RAB31: variants seen among roughly 807,000 people sequenced by gnomAD.
RAB31 encodes the protein ras-related protein Rab-31.
In RAB31, 21 loss-of-function variants were observed where a neutral mutation model predicts 25.6. The observed-to-expected ratio is 0.82, with a 90% CI of 0.58 to 1.18. RAB31 has a LOEUF of 1.18. Among genes scored for constraint, RAB31 ranks in the 50% most tolerant of loss-of-function variants. The pLI is 0.00. For synonymous variants in RAB31, 87 were observed against 84.0 expected, an observed-to-expected ratio of 1.04 and a Z score of -0.20; for missense variants, 196 against 250.1, an observed-to-expected ratio of 0.78 and a Z score of 1.46.
intron 1 of RAB31, among the ~76,000 whole-genome samples, chr18:9,724,686 G>A (rs536481143): frequency 3.3e-5 from 5 of 152,310 alleles, no homozygotes; most frequent in African/African-American, 9.6e-5. Flanking sequence ...TTAAGGAAGC[G>A]CTTCAGAATG....
intron 3 of RAB31, among the ~76,000 whole-genome samples, chr18:9,809,402 T>A (rs1275816046): frequency 6.6e-6 from 1 of 152,192 alleles, no homozygotes; most frequent in Admixed American, 6.5e-5. Flanking sequence ...TGAATGGGAA[T>A]TCTGAACTAA....
At chr18:9,781,937 G>C (rs1182384325) in intron 2 of RAB31, among the ~76,000 whole-genome samples, 1 of 152,192 alleles carries the variant, frequency 6.6e-6, no homozygotes, top group Non-Finnish European at 1.5e-5. Context: ...GTTTTGTTCA[G>C]CCTTCACAGT....
intron 3 of RAB31, among the ~76,000 whole-genome samples, chr18:9,809,456 C>G (rs1432386802): frequency 6.6e-6 from 1 of 152,100 alleles, no homozygotes; most frequent in African/African-American, 2.4e-5. Flanking sequence ...ATTTTCAGAG[C>G]CTTTAATGCA....
intron 1 of RAB31, among the ~76,000 whole-genome samples, chr18:9,718,876 C>T (rs1250864077): frequency 6.6e-6 from 1 of 151,880 alleles, no homozygotes; most frequent in East Asian, 1.9e-4. Context: ...CTTCCAAAGG[C>T]TCTACCTCCT....
At position 9,732,436 on chromosome 18, in the gene RAB31, T is replaced by C. The variant is rs145298884; in HGVS notation, c.39+23992T>C. 1.1e-4 allele frequency among the ~76,000 whole-genome samples: 17 copies of C among 152,354 alleles called. No individual in the cohort carries two copies. The East Asian group carries it at 2.3e-3, about 21-fold the overall frequency. ...CTCCCCTGGAATACATTAGACCCTG[T>C]GGTGACATTAGTTCATGCTCAGTGC... On this transcript the variant is annotated intron_variant, in intron 1 of 6. Transcript: ENST00000578921.
intron 1 of RAB31, among the ~76,000 whole-genome samples, chr18:9,729,901 C>G (rs2145464289): frequency 6.6e-6 from 1 of 152,284 alleles, no homozygotes; most frequent in South Asian, 2.1e-4. Context: ...TCTTGATGTA[C>G]TTCTCACACA....
At chr18:9,750,200 AGCC>A (rs1174521766) in intron 1 of RAB31, among the ~76,000 whole-genome samples, 1 of 152,158 alleles carries the variant, frequency 6.6e-6, no homozygotes, top group African/African-American at 2.4e-5. Context: ...CGCTGATGCC[AGCC>A]TTTCTGCAAC....
chr18:9,716,734 T>A (rs2068046076), intron 1 of RAB31, among the ~76,000 whole-genome samples: 1 of 152,010 alleles, frequency 6.6e-6, no homozygotes, highest in African/African-American at 2.4e-5. Flanking sequence ...TCAGCAGAAA[T>A]GAGGAAAAGA....
intron 1 of RAB31, among the ~76,000 whole-genome samples, chr18:9,770,336 G>C (rs961335578): frequency 6.6e-6 from 1 of 152,194 alleles, no homozygotes; most frequent in African/African-American, 2.4e-5. Flanking sequence ...GCCGTTGCAG[G>C]AGTCCAGGAA....
chr18:9,745,110 A>T (rs1466798518), intron 1 of RAB31, among the ~76,000 whole-genome samples: 2 of 152,218 alleles, frequency 1.3e-5, no homozygotes, highest in East Asian at 3.8e-4. Flanking sequence ...AAAATTAAAA[A>T]CAAAATGGGA....
chr18:9,840,436 G>T (rs1167203861), intron 5 of RAB31, among the ~76,000 whole-genome samples: 1 of 152,134 alleles, frequency 6.6e-6, no homozygotes, highest in African/African-American at 2.4e-5. Flanking sequence ...GTAATGACGG[G>T]AGGCCTGTGG....
chr18:9,813,139 TTTG>T (rs2143075546), intron 3 of RAB31, among the ~76,000 whole-genome samples: 1 of 152,352 alleles, frequency 6.6e-6, no homozygotes, highest in Non-Finnish European at 1.5e-5. Flanking sequence ...CAGCACTTGC[TTTG>T]TTAACATTTT....
intron 5 of RAB31, among the ~76,000 whole-genome samples, chr18:9,823,099 G>A (rs2068631832): frequency 6.6e-6 from 1 of 152,204 alleles, no homozygotes; most frequent in Non-Finnish European, 1.5e-5. Flanking sequence ...GCAAACTGCT[G>A]ATACACACAG....
At chr18:9,785,173 G>GC (rs2145496306) in intron 2 of RAB31, 1 of 154,372 alleles carries the variant, frequency 6.5e-6, no homozygotes, top group South Asian at 2.1e-4. Context: ...GAGTGGGAAT[G>GC]CTTGGACCCT....
chr18:9,780,348 A>AT (rs1412416414), intron 2 of RAB31, among the ~76,000 whole-genome samples: 6 of 152,076 alleles, frequency 3.9e-5, no homozygotes, highest in African/African-American at 7.2e-5. Flanking sequence ...TGTTGAAAGT[A>AT]TTTTTTCTGA....
intron 1 of RAB31, among the ~76,000 whole-genome samples, chr18:9,719,299 ATAT>A (rs1385589128): frequency 6.6e-4 from 10 of 15,194 alleles, no homozygotes; most frequent in Middle Eastern, 0.042. Flanking sequence ...AAAAAAAAAA[ATAT>A]ATATATATAT....
At chr18:9,738,611 A>G (rs1056272652) in intron 1 of RAB31, among the ~76,000 whole-genome samples, 4 of 152,196 alleles carry the variant, frequency 2.6e-5, no homozygotes, top group Non-Finnish European at 4.4e-5. Flanking sequence ...CCCTTCCCAC[A>G]TGCCTTGCCC....
At chr18:9,848,120 T>C (rs2143140766) in intron 6 of RAB31, among the ~76,000 whole-genome samples, 1 of 152,366 alleles carries the variant, frequency 6.6e-6, no homozygotes, top group Admixed American at 6.5e-5. Context: ...ACTTTGGTTG[T>C]AACTGCCTTG....
At chr18:9,843,407 G>A (rs112452669) in intron 5 of RAB31, among the ~76,000 whole-genome samples, 8,037 of 152,056 alleles carry the variant, frequency 0.053, 232 homozygotes, top group East Asian at 0.091. Context: ...TTAGCCAGGT[G>A]TGGTGGTGCG....
Sources: gnomAD v4.1 joint callset for allele counts (sites outside exome capture counted in the v4.1 genomes callset) on GRCh38, gnomAD v4.1.1 for gene constraint, MANE v1.5 for transcripts, NCBI Gene and HGNC (gene_info 2026-07-23, HGNC 2026-07-21) for gene names.